RIMS3: variants seen among roughly 807,000 people sequenced by gnomAD.
RIMS3 encodes the protein regulating synaptic membrane exocytosis 3, also known as regulating synaptic membrane exocytosis protein 3.
A neutral mutation model predicts 29.2 loss-of-function variants in RIMS3; 15 were observed. That is an observed-to-expected ratio of 0.51 (90% CI 0.34 to 0.79). RIMS3 has a LOEUF of 0.79. Among genes scored for constraint, RIMS3 ranks in the 30% least tolerant of loss-of-function variants. The pLI, the probability that RIMS3 is intolerant of heterozygous loss-of-function variation, is 0.01. For missense variants in RIMS3, 342 were observed against 421.4 expected, an observed-to-expected ratio of 0.81 and a Z score of 1.65; for synonymous variants, 161 against 170.1, an observed-to-expected ratio of 0.95 and a Z score of 0.41.
At position 40,641,970 on chromosome 1, in the gene RIMS3, G is replaced by A. The variant is rs1054272495; in HGVS notation, c.-31-14C>T. On this transcript the variant is annotated splice_polypyrimidine_tract_variant and intron_variant, in intron 2 of 7. Coordinates refer to ENST00000372684, the MANE Select transcript of RIMS3 (RefSeq NM_014747.3). ...CCTCAGGCAGCTCTGAAGATGGGCAGGAAACAAAAGGATCCCACATCAGAC... is the reference window on the plus strand; with the variant it reads ...CCTCAGGCAGCTCTGAAGATGGGCAAGAAACAAAAGGATCCCACATCAGAC... 6 of 1,492,946 alleles carry A rather than the reference G, an allele frequency of 4.0e-6. No homozygotes were observed. Among genetic ancestry groups the A allele is most frequent in the Admixed American group, 1.7e-5 (1 of 58,252 alleles). The allele number at this position is 1,492,946 out of a possible 1,614,324, so 92.5% of individuals were successfully genotyped here.
At chr1:40,675,758 C>CAAA in the RIMS3 span, among the ~76,000 whole-genome samples, 145 of 107,268 alleles carry the variant, frequency 1.4e-3, 1 homozygote, top group African/African-American at 4.6e-3. Flanking sequence ...AACTCCATCT[C>CAAA]AAAAAAAAAA....
At chr1:40,669,917 C>T (rs887190247), upstream of RIMS3, among the ~76,000 whole-genome samples, 1 of 152,170 alleles carries the variant, frequency 6.6e-6, no homozygotes, top group East Asian at 1.9e-4. Flanking sequence ...ATTCCTTCCT[C>T]TTCCTCACTT....
At position 40,623,390 on chromosome 1, in the gene RIMS3, T is replaced by C; in HGVS notation, c.*3127A>G. The C allele has an allele frequency of 2.5e-6, 1 of 398,520 alleles. No homozygotes were observed. Among genetic ancestry groups the C allele is most frequent in the South Asian group, 1.3e-4 (1 of 7,860 alleles). 24.7% of individuals were successfully genotyped at this position (398,520 alleles called of 1,614,324 possible). Reference sequence around the variant, plus strand: ...AGTCTATGAAGAAAGTGGGACAGAATGAACAGAGCAGAAATACAAAGACAG... The same window carrying C: ...AGTCTATGAAGAAAGTGGGACAGAACGAACAGAGCAGAAATACAAAGACAG... On this transcript the variant is annotated 3_prime_UTR_variant, in exon 8 of 8. Transcript: ENST00000372684.
chr1:40,671,450 G>A, the RIMS3 span, among the ~76,000 whole-genome samples: 2 of 151,594 alleles, frequency 1.3e-5, no homozygotes, highest in East Asian at 3.8e-4. Flanking sequence ...GTTGGAGGTG[G>A]GGCCTGGTGG....
chr1:40,643,681 G>A (rs1646575705), intron 2 of RIMS3, among the ~76,000 whole-genome samples: 1 of 152,088 alleles, frequency 6.6e-6, no homozygotes, highest in African/African-American at 2.4e-5. Flanking sequence ...GTTTCACCCT[G>A]TTGACCAGGC....
At chr1:40,691,549 G>A in the RIMS3 span, 2 of 272,924 alleles carry the variant, frequency 7.3e-6, no homozygotes, top group Non-Finnish European at 1.4e-5. Context: ...GCTCCCGAAA[G>A]GGGGCGGGGT....
At position 40,622,372 on chromosome 1, in the gene RIMS3, C is replaced by G. The variant is rs879084163; in HGVS notation, c.*4145G>C. ...CATGCTTGTTTTGTTTTGCCCCAACCTCTTCTGACGTGAGTGAAAAGGTTG... is the reference window on the plus strand; with the variant it reads ...CATGCTTGTTTTGTTTTGCCCCAACGTCTTCTGACGTGAGTGAAAAGGTTG... On this transcript the variant is annotated 3_prime_UTR_variant, in exon 8 of 8. Coordinates refer to ENST00000372684, the MANE Select transcript of RIMS3 (RefSeq NM_014747.3). 2 of 152,478 alleles carry G rather than the reference C, an allele frequency of 1.3e-5. No individual in the cohort carries two copies. Among genetic ancestry groups the G allele is most frequent in the South Asian group, 4.1e-4 (2 of 4,836 alleles). 9.4% of individuals were successfully genotyped at this position (152,478 alleles called of 1,614,324 possible). A position where few individuals can be genotyped will look rare whatever the true frequency, so the allele number is the denominator to read the frequency against.
chr1:40,631,038 G>A (rs181691784), intron 5 of RIMS3, among the ~76,000 whole-genome samples: 12 of 152,320 alleles, frequency 7.9e-5, no homozygotes, highest in Non-Finnish European at 1.8e-4. Context: ...ACTCACAGCA[G>A]GACACTGCAC....
At chr1:40,688,335 T>C in the RIMS3 span, among the ~76,000 whole-genome samples, 4 of 152,194 alleles carry the variant, frequency 2.6e-5, no homozygotes, top group Admixed American at 2.6e-4. Context: ...TCCAGCTGGC[T>C]GTCTAGACAG....
At chr1:40,667,386 G>A (rs6667505), upstream of RIMS3, among the ~76,000 whole-genome samples, 681 of 152,252 alleles carry the variant, frequency 4.5e-3, 5 homozygotes, top group African/African-American at 0.016. Context: ...GACCTGGAAC[G>A]AGGGTGGAGG....
At position 40,626,271 on chromosome 1, in the gene RIMS3, T is replaced by C. The variant is rs1340795901; in HGVS notation, c.*246A>G. On this transcript the variant is annotated 3_prime_UTR_variant, in exon 8 of 8. Transcript: ENST00000372684. ...AGACGTGGAGACATTTCAGCCCATA[T>C]CATCACCAGGAGTGACTATACCCAG... The C allele has an allele frequency of 1.2e-5, 7 of 570,702 alleles. No homozygotes were observed. The highest frequency in any genetic ancestry group is 2.2e-5 in the Non-Finnish European group (7 of 317,480). 35.4% of individuals were successfully genotyped at this position (570,702 alleles called of 1,614,324 possible).
chr1:40,688,262 C>G, the RIMS3 span, among the ~76,000 whole-genome samples: 7 of 152,314 alleles, frequency 4.6e-5, no homozygotes, highest in Admixed American at 3.3e-4. Context: ...CACGCCTGGC[C>G]AGCGCTGCTT....
chr1:40,681,059 C>T, the RIMS3 span, among the ~76,000 whole-genome samples: 1 of 152,202 alleles, frequency 6.6e-6, no homozygotes, highest in African/African-American at 2.4e-5. Context: ...TGCAGATACT[C>T]TCTTGTTTGC....
chr1:40,667,116 C>T (rs995020898), upstream of RIMS3, among the ~76,000 whole-genome samples: 1 of 152,168 alleles, frequency 6.6e-6, no homozygotes, highest in African/African-American at 2.4e-5. Flanking sequence ...GAGGCATAGT[C>T]ATCCTACGCC....
rs562620693 is a variant in RIMS3, at chr1:40,621,922, A to G, written c.*4595T>C. On this transcript the variant is annotated 3_prime_UTR_variant, in exon 8 of 8. Coordinates refer to ENST00000372684, the MANE Select transcript of RIMS3 (RefSeq NM_014747.3). ...CCAGAGCCCTGGAAGGGTTTCCCAA[A>G]GCAGAAACACTCATGCTTTTCAACA... 2 of 152,664 alleles carry G rather than the reference A, an allele frequency of 1.3e-5. No homozygotes were observed. The highest frequency in any genetic ancestry group is 3.9e-4 in the East Asian group (2 of 5,178). The allele number at this position is 152,664 out of a possible 1,614,324, so 9.5% of individuals were successfully genotyped here.
rs570439261 is a variant in RIMS3, at chr1:40,647,696, C to T, written c.-60G>A. The T allele has an allele frequency of 6.6e-6, 1 of 152,254 alleles. No individual in the cohort carries two copies. Among genetic ancestry groups the T allele is most frequent in the East Asian group, 1.9e-4 (1 of 5,168 alleles). 9.4% of individuals were successfully genotyped at this position (152,254 alleles called of 1,614,324 possible). ...ACTGATGAATCTGAGCCTGGTGTTC[C>T]GCATCACAGGGGGCTGCCTCCCAAC... On this transcript the variant is annotated 5_prime_UTR_variant, in exon 2 of 8. Coordinates refer to ENST00000372684, the MANE Select transcript of RIMS3 (RefSeq NM_014747.3).
intron 2 of RIMS3, among the ~76,000 whole-genome samples, chr1:40,646,975 G>A (rs1192476421): frequency 2.0e-5 from 3 of 151,812 alleles, no homozygotes; most frequent in African/African-American, 7.3e-5. Flanking sequence ...CCGCCTCCTG[G>A]GTTCAAGCAA....
At chr1:40,689,694 T>C in the RIMS3 span, among the ~76,000 whole-genome samples, 1 of 152,180 alleles carries the variant, frequency 6.6e-6, no homozygotes, top group Non-Finnish European at 1.5e-5. Context: ...TAGCAACGGC[T>C]TTAGAAAGGG....
chr1:40,669,390 G>C (rs1318737195), upstream of RIMS3: 1 of 152,166 alleles, frequency 6.6e-6, no homozygotes, highest in Non-Finnish European at 1.5e-5. Context: ...CCAAACCTTT[G>C]GGAAAATTCA....
Sources: allele counts gnomAD v4.1 joint callset (sites outside exome capture counted in the v4.1 genomes callset), GRCh38; gene constraint gnomAD v4.1.1; transcripts MANE v1.5; gene names NCBI Gene and HGNC (gene_info 2026-07-23, HGNC 2026-07-21).